The following SAV1 variants were observed in gnomAD, a reference collection of about 807,000 sequenced individuals.
SAV1 encodes the protein protein salvador homolog 1.
SAV1 carries 23 observed loss-of-function variants against 47.3 expected under a neutral mutation model. The ratio of observed to expected loss-of-function variants is 0.49; its 90% confidence interval spans 0.35 to 0.69. The LOEUF is 0.69. Ranked by LOEUF, SAV1 falls within the 30% of genes least tolerant of loss-of-function variation. The probability of loss-of-function intolerance (pLI) is 0.01; values close to 1 mark genes in which losing one functional copy is unlikely to be tolerated. For synonymous variants in SAV1, 155 were observed against 159.2 expected (o/e 0.97, Z 0.20); for missense variants, 448 against 457.4 (o/e 0.98, Z 0.19).
In SAV1 at chr14:50,665,278, G is replaced by A. The variant is rs141154263; in HGVS notation, c.436C>T (p.Arg146Trp). Reference protein sequence around the residue: ...SDNFFDGQRKRPLGDRAHEDY... With the variant: ...SDNFFDGQRKWPLGDRAHEDY... The stretch of plus-strand genomic sequence containing the variant: ...TCATGTGCACGATCTCCAAGTGGCC[G>A]CTTTCTCTGACCATCAAAAAAATTG... The change falls in exon 2 of 5, where the codon CGG (arginine) becomes TGG (tryptophan). Residue 146 changes from arginine to tryptophan, a missense_variant. Coordinates refer to ENST00000324679, the MANE Select transcript of SAV1 (RefSeq NM_021818.4). 5.4e-5 allele frequency: 87 copies of A among 1,613,794 alleles called. No individual in the cohort carries two copies. In the African/African-American group the frequency reaches 1.0e-3, roughly 19 times the overall value.
chr14:50,663,458 C>T (rs976398212), intron 2 of SAV1, among the ~76,000 whole-genome samples: 1 of 152,192 alleles, frequency 6.6e-6, no homozygotes, highest in Non-Finnish European at 1.5e-5. Context: ...GCAGCTAATT[C>T]TTTAACCTAA....
Position 50,638,772 on chromosome 14 carries a change from T to C in SAV1, c.950+1978A>G, listed in dbSNP as rs139404867. 7.8e-3 allele frequency among the ~76,000 whole-genome samples: 1,186 copies of C among 152,306 alleles called. 21 individuals are homozygous for C. The highest frequency in any genetic ancestry group is 0.027 in the African/African-American group (1,106 of 41,558). On this transcript the variant is annotated intron_variant, in intron 4 of 4. Coordinates refer to ENST00000324679, the MANE Select transcript of SAV1 (RefSeq NM_021818.4). ...CTGTCAAAGATTAAATTTTATTTTA[T>C]TATATTTTATTTTGAGATGGAGTCT...
At chr14:50,639,540 G>A (rs1005726709) in intron 4 of SAV1, among the ~76,000 whole-genome samples, 1 of 152,046 alleles carries the variant, frequency 6.6e-6, no homozygotes, top group African/African-American at 2.4e-5. Context: ...CTTTTTGTCA[G>A]TCTGGCCCAT....
Position 50,644,331 on chromosome 14 carries a change from C to T in SAV1, c.806+413G>A, listed in dbSNP as rs140590900. ...TAGTAATAGCAAGAAACAGAACATA[C>T]AATCATGTCTGAAATAGAATAAACA... On this transcript the variant is annotated intron_variant, in intron 3 of 4. Transcript: ENST00000324679. Among the ~76,000 whole-genome samples, 160 of 152,308 alleles carry T rather than the reference C, an allele frequency of 1.1e-3. 2 individuals carry two copies. In the East Asian group the frequency reaches 0.016, roughly 16 times the overall value.
chr14:50,668,147 C>A lies in SAV1; in HGVS notation c.-180G>T. The A allele has an allele frequency of 3.1e-6, 1 of 323,702 alleles. No homozygotes were observed. The highest frequency in any genetic ancestry group is 5.5e-6 in the Non-Finnish European group (1 of 182,206). The allele number at this position is 323,702 out of a possible 1,614,324, so 20.1% of individuals were successfully genotyped here. On this transcript the variant is annotated 5_prime_UTR_variant, in exon 1 of 5. Coordinates refer to ENST00000324679, the MANE Select transcript of SAV1 (RefSeq NM_021818.4). ...CGCAGGGACTGCCGCATGTTCAGGG[C>A]GCTAAGCGCGCCGGCCGCCGCTCAG... is the stretch of plus-strand genomic sequence containing the variant.
chr14:50,662,660 A>C (rs1484903988), intron 2 of SAV1: 4 of 152,222 alleles, frequency 2.6e-5, no homozygotes, highest in Non-Finnish European at 5.9e-5. Flanking sequence ...ATATTTGGCA[A>C]ATTAGATTTT....
intron 2 of SAV1, among the ~76,000 whole-genome samples, chr14:50,646,062 T>C (rs1387235180): frequency 6.6e-6 from 1 of 152,200 alleles, no homozygotes; most frequent in African/African-American, 2.4e-5. Flanking sequence ...TCTTTATCTT[T>C]ATAGGAGTCC....
rs983397870 is a variant in SAV1 at position 50,648,550 on chromosome 14, C to T, written c.536-3536G>A. 5.3e-5 allele frequency among the ~76,000 whole-genome samples: 8 copies of T among 152,168 alleles called. No homozygotes were observed. The East Asian group carries it at 5.8e-4, about 11-fold the overall frequency. On this transcript the variant is annotated intron_variant, in intron 2 of 4. Coordinates refer to ENST00000324679, the MANE Select transcript of SAV1 (RefSeq NM_021818.4). Reference sequence around the variant, plus strand: ...ATCCCAGCACTTTGGGAGGCCGAGGCGGGCAGATCATGAGGTCAGGAGATC... The same window carrying T: ...ATCCCAGCACTTTGGGAGGCCGAGGTGGGCAGATCATGAGGTCAGGAGATC...
rs556984336 is a variant in SAV1 at position 50,634,291 on chromosome 14, T to C, written c.*892A>G. On this transcript the variant is annotated 3_prime_UTR_variant, in exon 5 of 5. Coordinates refer to ENST00000324679, the MANE Select transcript of SAV1 (RefSeq NM_021818.4). ...GATTAAAAGGCCCGTCACCCATTCA[T>C]ACCAAAAAATACTTTCTCAACATGC... 1 of 320,000 alleles carries C rather than the reference T, an allele frequency of 3.1e-6. No homozygotes were observed. Among genetic ancestry groups the C allele is most frequent in the Non-Finnish European group, 6.5e-6 (1 of 154,476 alleles). The allele number at this position is 320,000 out of a possible 1,614,324, so 19.8% of individuals were successfully genotyped here. A position where few individuals can be genotyped will look rare whatever the true frequency, so the allele number is the denominator to read the frequency against.
chr14:50,657,739 C>G (rs1450216518), intron 2 of SAV1, among the ~76,000 whole-genome samples: 3 of 152,312 alleles, frequency 2.0e-5, no homozygotes, highest in Admixed American at 2.0e-4. Context: ...AAAACAGCTT[C>G]TATTTGCAGG....
At chr14:50,656,661 C>T (rs2039815222) in intron 2 of SAV1, among the ~76,000 whole-genome samples, 2 of 152,094 alleles carry the variant, frequency 1.3e-5, no homozygotes, top group Non-Finnish European at 2.9e-5. Flanking sequence ...CCAGGATGGT[C>T]TCGATCTCCT....
intron 2 of SAV1, among the ~76,000 whole-genome samples, chr14:50,652,851 C>T (rs1006505088): frequency 7.2e-5 from 11 of 152,026 alleles, no homozygotes; most frequent in African/African-American, 2.7e-4. Flanking sequence ...GCCAACATGG[C>T]GAAACTCCAT....
intron 3 of SAV1, among the ~76,000 whole-genome samples, chr14:50,643,320 T>G (rs1351525267): frequency 6.6e-6 from 1 of 152,218 alleles, no homozygotes; most frequent in Non-Finnish European, 1.5e-5. Flanking sequence ...AGAGGTTTAA[T>G]TGACCCACAG....
intron 1 of SAV1, chr14:50,667,454 G>A (rs1292451812): frequency 2.2e-6 from 1 of 456,764 alleles, no homozygotes. Context: ...CAGCACAGTC[G>A]AGAGACACCC....
chr14:50,658,397 T>C (rs2039830677), intron 2 of SAV1, among the ~76,000 whole-genome samples: 1 of 152,192 alleles, frequency 6.6e-6, no homozygotes, highest in Non-Finnish European at 1.5e-5. Context: ...AGGATTCCTT[T>C]CTTTGGAACA....
At chr14:50,647,334 C>T (rs79737648) in intron 2 of SAV1, among the ~76,000 whole-genome samples, 6,664 of 152,054 alleles carry the variant, frequency 0.044, 143 homozygotes, top group Middle Eastern at 0.051. Flanking sequence ...GTTTGCAAAT[C>T]ACATTATTAG....
intron 2 of SAV1, among the ~76,000 whole-genome samples, chr14:50,656,230 T>C (rs2039811306): frequency 6.6e-6 from 1 of 152,170 alleles, no homozygotes; most frequent in African/African-American, 2.4e-5. Context: ...TTGGGATTCA[T>C]ATTTAAAGGA....
At position 50,665,286 on chromosome 14, in the gene SAV1, T is replaced by G. The variant is rs768005781; in HGVS notation, c.428A>C (p.Gln143Pro). 8 of 1,613,810 alleles carry G rather than the reference T, an allele frequency of 5.0e-6. No homozygotes were observed. Among genetic ancestry groups the G allele is most frequent in the Non-Finnish European group, 6.8e-6 (8 of 1,179,828 alleles). ...ACGATCTCCAAGTGGCCGCTTTCTCTGACCATCAAAAAAATTGTCTGAATA... is the reference window on the plus strand; with the variant it reads ...ACGATCTCCAAGTGGCCGCTTTCTCGGACCATCAAAAAAATTGTCTGAATA... ...YYYSDNFFDG[Q>P]RKRPLGDRAH... is the part of the protein sequence containing the mutation. Residue 143 changes from glutamine (Q) to proline (P), a missense_variant, in exon 2 of 5, where the codon CAG (glutamine) becomes CCG (proline). Gln to Pro is a moderately conservative substitution (Grantham distance 76). Coordinates refer to ENST00000324679, the MANE Select transcript of SAV1 (RefSeq NM_021818.4).
intron 1 of SAV1, among the ~76,000 whole-genome samples, chr14:50,666,839 A>G (rs531098861): frequency 1.3e-5 from 2 of 152,108 alleles, no homozygotes; most frequent in Non-Finnish European, 2.9e-5. Flanking sequence ...TACTCAACTG[A>G]CATATATTTT....
Sources: allele counts gnomAD v4.1 joint callset (sites outside exome capture counted in the v4.1 genomes callset), GRCh38; gene constraint gnomAD v4.1.1; transcripts MANE v1.5; gene names NCBI Gene and HGNC (gene_info 2026-07-23, HGNC 2026-07-21).